EIF4ENIF1: variants seen among roughly 807,000 people sequenced by gnomAD.
The protein encoded by EIF4ENIF1 is eukaryotic translation initiation factor 4E transporter.
A neutral mutation model predicts 110.5 loss-of-function variants in EIF4ENIF1; 23 were observed. That is an observed-to-expected ratio of 0.21 (90% CI 0.15 to 0.29). EIF4ENIF1 has a LOEUF of 0.29. Ranked by LOEUF, EIF4ENIF1 falls within the 10% of genes least tolerant of loss-of-function variation. The pLI, the probability that EIF4ENIF1 is intolerant of heterozygous loss-of-function variation, is 1.00. For synonymous variants in EIF4ENIF1, 440 were observed against 437.0 expected (o/e 1.01, Z -0.09); for missense variants, 1,031 against 1,221.1 (o/e 0.84, Z 2.32).
At chr22:31,440,982 G>A (rs954324334) in intron 17 of EIF4ENIF1, 114 bp from the exon 18 acceptor site, 16 of 1,400,600 alleles carry the variant, frequency 1.1e-5, no homozygotes, top group African/African-American at 2.9e-5. Flanking sequence ...AGGGCTCTGC[G>A]CAGTGGCTCA....
intron 2 of EIF4ENIF1, among the ~76,000 whole-genome samples, chr22:31,472,494 CCT>C (rs1052639376): frequency 1.3e-5 from 2 of 152,166 alleles, no homozygotes; most frequent in African/African-American, 4.8e-5. Flanking sequence ...GTCTCAAACC[CCT>C]GACCTCAGGC....
chr22:31,490,050 G>C (rs1356831372), upstream of EIF4ENIF1: 1 of 152,272 alleles, frequency 6.6e-6, no homozygotes, highest in African/African-American at 2.4e-5. Flanking sequence ...GCGGCGAGGA[G>C]GAGGCCACGG....
intron 18 of EIF4ENIF1, 92 bp downstream of exon 18, chr22:31,440,612 A>C (rs557579369): frequency 7.1e-7 from 1 of 1,416,036 alleles, no homozygotes; most frequent in East Asian, 2.3e-5. Flanking sequence ...AAAGAATGAA[A>C]GTGTTAATTC....
intron 10 of EIF4ENIF1, among the ~76,000 whole-genome samples, chr22:31,452,621 T>C (rs1438429425): frequency 6.6e-6 from 1 of 152,166 alleles, no homozygotes; most frequent in Non-Finnish European, 1.5e-5. Flanking sequence ...AGAAGCTAAT[T>C]ATAAGATATG....
At chr22:31,446,195 G>C (rs532330175) in intron 14 of EIF4ENIF1, among the ~76,000 whole-genome samples, 1 of 144,558 alleles carries the variant, frequency 6.9e-6, no homozygotes, top group Admixed American at 7.3e-5. Context: ...TGAGGCATGA[G>C]AACTGCTTGA....
chr22:31,463,036 C>T lies in EIF4ENIF1; in HGVS notation c.683G>A (p.Ser228Asn). ...AGTCAGTTCGATGGTTTCAGACTGA[C>T]TTGTGGGTCCAGCAGAGAACCACTC... ...EPEWFSAGPT[S>N]QSETIELTGF... Residue 228 changes from serine (S) to asparagine (N), a missense_variant, in exon 6 of 19, where the codon AGT becomes AAT. Ser to Asn is a conservative substitution (Grantham distance 46). Around this residue, in one of 3 missense-constraint regions of EIF4ENIF1, gnomAD observed 704 missense variants for 879.7 expected, o/e 0.80. Transcript: ENST00000330125. The T allele has an allele frequency of 6.2e-7, 1 of 1,614,130 alleles. No homozygotes were observed. The highest frequency in any genetic ancestry group is 8.5e-7 in the Non-Finnish European group (1 of 1,180,030).
chr22:31,488,521 A>C (rs980240363), intron 2 of EIF4ENIF1, 102 bp downstream of exon 2: 25 of 1,497,868 alleles, frequency 1.7e-5, no homozygotes, highest in Non-Finnish European at 2.3e-5. Context: ...CCATGTAGTG[A>C]GTCAGAATGA....
intron 2 of EIF4ENIF1, among the ~76,000 whole-genome samples, chr22:31,472,696 TACAG>T (rs1569097264): frequency 1.3e-5 from 2 of 152,336 alleles, no homozygotes; most frequent in South Asian, 4.1e-4. Context: ...AAAAAATTGA[TACAG>T]ACATTTGTAT....
rs1207480609 is a variant in EIF4ENIF1, at chr22:31,464,037, GT to G, written c.299-71del. The G allele has an allele frequency of 1.0e-4, 153 of 1,517,494 alleles. 2 individuals are homozygous for G. The South Asian group carries it at 2.0e-3, about 19-fold the overall frequency. The allele number at this position is 1,517,494 out of a possible 1,614,324, so 94.0% of individuals were successfully genotyped here. On this transcript the variant is annotated intron_variant, in intron 4 of 18. Coordinates refer to ENST00000330125, the MANE Select transcript of EIF4ENIF1 (RefSeq NM_019843.4). ...TGTTTTCTTCTTTTTTAGATAGTAT[GT>G]CCATGACTGATGGGAGGAAGGGGAT... is the stretch of plus-strand genomic sequence containing the variant.
rs970207477 is a variant in EIF4ENIF1, at chr22:31,454,473, T to C, written c.1280-97A>G. The stretch of plus-strand genomic sequence containing the variant: ...GACAGATAAGATGAAAATAATTTAT[T>C]TCAAAATTGAGATGAGACTGTCAGA... On this transcript the variant is annotated intron_variant, in intron 9 of 18. Coordinates refer to ENST00000330125, the MANE Select transcript of EIF4ENIF1 (RefSeq NM_019843.4). 5 of 1,048,934 alleles carry C rather than the reference T, an allele frequency of 4.8e-6. No homozygotes were observed. In the Admixed American group the frequency reaches 1.3e-4, roughly 26 times the overall value. 65.0% of individuals were successfully genotyped at this position (1,048,934 alleles called of 1,614,324 possible).
At position 31,488,994 on chromosome 22, in the gene EIF4ENIF1, T is replaced by C. The variant is rs141336821; in HGVS notation, c.-27-249A>G. ...GTGCCCAATTCAAGGTATATAACCTTTAAGCAGCTTTAACACAAGAGAAAC... is the reference window on the plus strand; with the variant it reads ...GTGCCCAATTCAAGGTATATAACCTCTAAGCAGCTTTAACACAAGAGAAAC... On this transcript the variant is annotated intron_variant, in intron 1 of 18. Transcript: ENST00000330125. 1.3e-3 allele frequency among the ~76,000 whole-genome samples: 200 copies of C among 152,326 alleles called. 1 individual carries two copies. In the East Asian group the frequency reaches 0.026, roughly 20 times the overall value.
chr22:31,458,990 C>T (rs1026094698), intron 6 of EIF4ENIF1, among the ~76,000 whole-genome samples: 7 of 146,514 alleles, frequency 4.8e-5, no homozygotes, highest in African/African-American at 1.8e-4. Context: ...AGTAGTGGCA[C>T]GATCACAGCT....
chr22:31,454,433 C>G, intron 9 of EIF4ENIF1, 57 bp from the exon 10 acceptor site: 1 of 1,448,984 alleles, frequency 6.9e-7, no homozygotes, highest in Non-Finnish European at 9.6e-7. Flanking sequence ...GGTAGGAATT[C>G]TCTTTGGCTA....
chr22:31,472,786 C>T (rs540727938), intron 2 of EIF4ENIF1, among the ~76,000 whole-genome samples: 7 of 152,166 alleles, frequency 4.6e-5, no homozygotes, highest in Non-Finnish European at 8.8e-5. Flanking sequence ...TCTCGGGTGT[C>T]AATTACCTCA....
intron 4 of EIF4ENIF1, among the ~76,000 whole-genome samples, chr22:31,464,736 A>G (rs1200814552): frequency 2.3e-5 from 3 of 128,700 alleles, no homozygotes; most frequent in African/African-American, 8.4e-5. Flanking sequence ...AAACAGATAT[A>G]TACAAAAATT....
rs796526976 is a variant in EIF4ENIF1 at position 31,450,763 on chromosome 22, TATAC to T, written c.1513-407_1513-404del. The T allele has an allele frequency of 8.7e-5, 22 of 252,638 alleles. 1 individual carries two copies. The highest frequency in any genetic ancestry group is 3.6e-4 in the African/African-American group (16 of 44,784). 15.6% of individuals were successfully genotyped at this position (252,638 alleles called of 1,614,324 possible). On this transcript the variant is annotated intron_variant, in intron 10 of 18. Coordinates refer to ENST00000330125, the MANE Select transcript of EIF4ENIF1 (RefSeq NM_019843.4). ...ACACTCATATATACACACATACATA[TATAC>T]ATACATATATACACACACATATACA...
chr22:31,466,616 G>A (rs867310239), intron 4 of EIF4ENIF1, among the ~76,000 whole-genome samples: 4 of 132,136 alleles, frequency 3.0e-5, no homozygotes, highest in East Asian at 2.7e-4. Flanking sequence ...GCAAATCAGC[G>A]CTTGCTTGGG....
intron 6 of EIF4ENIF1, among the ~76,000 whole-genome samples, chr22:31,459,278 C>T (rs988347626): frequency 6.6e-6 from 1 of 151,892 alleles, no homozygotes; most frequent in Admixed American, 6.6e-5. Flanking sequence ...ATAGTCTTTG[C>T]AAGTCTCTTA....
At chr22:31,446,046 T>C (rs1055505924) in intron 14 of EIF4ENIF1, among the ~76,000 whole-genome samples, 3 of 148,618 alleles carry the variant, frequency 2.0e-5, no homozygotes, top group African/African-American at 5.0e-5. Context: ...TCCCAGCACT[T>C]TGGGGACCGA....
Sources: allele counts gnomAD v4.1 joint callset (sites outside exome capture counted in the v4.1 genomes callset), GRCh38; gene constraint gnomAD v4.1.1; regional missense constraint gnomAD v4.1.1; transcripts MANE v1.5; gene names NCBI Gene and HGNC (gene_info 2026-07-23, HGNC 2026-07-21).